The following CEP128 variants were observed in gnomAD, a reference collection of about 807,000 sequenced individuals.
The protein encoded by CEP128 is centrosomal protein 128, also known as centrosomal protein 128kDa.
Under a neutral mutation model 156.7 loss-of-function variants are expected in CEP128, and 132 were observed. That is an observed-to-expected ratio of 0.84 (90% CI 0.73 to 0.97). CEP128 has a LOEUF of 0.97. CEP128 is among the 50% of genes least tolerant of loss of function. The pLI, the probability that CEP128 is intolerant of heterozygous loss-of-function variation, is 0.00. For synonymous variants in CEP128, 469 were observed against 448.9 expected, an observed-to-expected ratio of 1.04 and a Z score of -0.57; for missense variants, 1,252 against 1,281.9, an observed-to-expected ratio of 0.98 and a Z score of 0.36.
chr14:80,729,128 T>TGTGTGTG (rs1244814152), intron 19 of CEP128, among the ~76,000 whole-genome samples: 9 of 123,778 alleles, frequency 7.3e-5, no homozygotes, highest in South Asian at 2.7e-4. Flanking sequence ...TGTGTGTGTG[T>TGTGTGTG]TTACCCAGTG....
intron 13 of CEP128, among the ~76,000 whole-genome samples, chr14:80,825,203 TGG>T (rs775985913): frequency 1.4e-4 from 22 of 152,298 alleles, no homozygotes; most frequent in Non-Finnish European, 2.6e-4. Flanking sequence ...GAGATTTCGG[TGG>T]GGACACAGCC....
At chr14:80,525,481 G>T (rs1322812976) in intron 23 of CEP128, among the ~76,000 whole-genome samples, 2 of 152,156 alleles carry the variant, frequency 1.3e-5, no homozygotes, top group African/African-American at 4.8e-5. Flanking sequence ...CTTGTGGTTT[G>T]TTCTAAAATA....
At chr14:80,879,251 A>C (rs2139304434) in intron 8 of CEP128, among the ~76,000 whole-genome samples, 1 of 152,338 alleles carries the variant, frequency 6.6e-6, no homozygotes, top group East Asian at 1.9e-4. Context: ...ACCACCAGAT[A>C]GGCAGAAATT....
intron 19 of CEP128, among the ~76,000 whole-genome samples, chr14:80,659,800 G>C (rs1225251511): frequency 6.6e-6 from 1 of 152,130 alleles, no homozygotes; most frequent in East Asian, 1.9e-4. Flanking sequence ...TCTAAATAAT[G>C]ATGACACTCA....
intron 4 of CEP128, among the ~76,000 whole-genome samples, chr14:80,914,089 A>G (rs928225848): frequency 6.6e-6 from 1 of 152,186 alleles, no homozygotes; most frequent in Non-Finnish European, 1.5e-5. Context: ...CATGTCTTGA[A>G]TTCTACTCTC....
intron 19 of CEP128, among the ~76,000 whole-genome samples, chr14:80,737,379 G>C (rs1566886232): frequency 6.6e-6 from 1 of 151,660 alleles, no homozygotes; most frequent in Non-Finnish European, 1.5e-5. Flanking sequence ...ACTCCAGCCT[G>C]GGCGACAGAG....
intron 19 of CEP128, among the ~76,000 whole-genome samples, chr14:80,695,016 A>G (rs1275710036): frequency 6.6e-6 from 1 of 152,046 alleles, no homozygotes; most frequent in Non-Finnish European, 1.5e-5. Flanking sequence ...TGCTTAAATT[A>G]TTAAGGTGAT....
intron 19 of CEP128, among the ~76,000 whole-genome samples, chr14:80,584,163 T>G (rs1566793651): frequency 1.8e-5 from 1 of 56,170 alleles, no homozygotes; most frequent in African/African-American, 1.0e-4. Flanking sequence ...TTTTTTTTTT[T>G]GTTTGACAGC....
At chr14:80,903,122 T>C (rs1808356023) in intron 6 of CEP128, among the ~76,000 whole-genome samples, 1 of 151,948 alleles carries the variant, frequency 6.6e-6, no homozygotes, top group Non-Finnish European at 1.5e-5. Flanking sequence ...TATAAAGCAA[T>C]TGTAATCAAA....
intron 19 of CEP128, among the ~76,000 whole-genome samples, chr14:80,677,327 T>C (rs28551658): frequency 0.11 from 17,116 of 151,842 alleles, 1,256 homozygotes; most frequent in South Asian, 0.24. Context: ...CTGGCCAACA[T>C]GGTGAAATGC....
At chr14:80,513,676 G>A (rs1236798234) in intron 23 of CEP128, among the ~76,000 whole-genome samples, 1 of 152,138 alleles carries the variant, frequency 6.6e-6, no homozygotes, top group Non-Finnish European at 1.5e-5. Context: ...GGGGTCTGGA[G>A]AGTTGTGCCC....
At chr14:80,692,177 A>G (rs1285594722) in intron 19 of CEP128, among the ~76,000 whole-genome samples, 1 of 152,208 alleles carries the variant, frequency 6.6e-6, no homozygotes, top group Non-Finnish European at 1.5e-5. Context: ...ATGGATCAGC[A>G]TATTGTTAAA....
chr14:80,525,100 AT>A (rs1888919002), intron 23 of CEP128, among the ~76,000 whole-genome samples: 2 of 152,258 alleles, frequency 1.3e-5, no homozygotes, highest in African/African-American at 4.8e-5. Flanking sequence ...GTATTGGGAA[AT>A]AATGTTTTAA....
chr14:80,508,263 C>G (rs1382852046), intron 23 of CEP128, among the ~76,000 whole-genome samples: 2 of 152,148 alleles, frequency 1.3e-5, no homozygotes, highest in Non-Finnish European at 2.9e-5. Context: ...ATATGATAGT[C>G]AAAATATGGC....
At chr14:80,836,432 A>C in intron 11 of CEP128, 95 bp from the exon 12 acceptor site, 1 of 1,360,338 alleles carries the variant, frequency 7.4e-7, no homozygotes, top group East Asian at 2.3e-5. Flanking sequence ...ATCCAGGTTA[A>C]TCTCCTTCCA....
chr14:80,956,027 A>G lies in CEP128; in HGVS notation c.-172+2151T>C, dbSNP rs538983320. 119 of 735,228 alleles carry G rather than the reference A, an allele frequency of 1.6e-4. No individual in the cohort carries two copies. The African/African-American group carries it at 1.7e-3, about 10-fold the overall frequency. 45.5% of individuals were successfully genotyped at this position (735,228 alleles called of 1,614,324 possible). On this transcript the variant is annotated intron_variant, in intron 2 of 7. Coordinates refer to the CEP128 transcript ENST00000555529. ...GTGTGCTAAAAACTTAATCGCCCAC[A>G]CTTGGGAAGGTATCATTGTTGACAT...
chr14:80,499,373 T>C (rs1195853135), intron 24 of CEP128, among the ~76,000 whole-genome samples: 1 of 152,214 alleles, frequency 6.6e-6, no homozygotes, highest in African/African-American at 2.4e-5. Flanking sequence ...TAACTTTTCT[T>C]TTTATAGCAA....
intron 19 of CEP128, among the ~76,000 whole-genome samples, chr14:80,594,005 T>C (rs544536874): frequency 3.3e-5 from 5 of 152,214 alleles, no homozygotes; most frequent in Admixed American, 2.0e-4. Flanking sequence ...ATATAACTCA[T>C]ATAGCCAAGA....
chr14:80,665,153 A>G (rs1566842970), intron 19 of CEP128, among the ~76,000 whole-genome samples: 1 of 152,214 alleles, frequency 6.6e-6, no homozygotes, highest in Non-Finnish European at 1.5e-5. Context: ...CATATAGAAT[A>G]CACCTACATT....
Sources: gnomAD v4.1 joint callset for allele counts (sites outside exome capture counted in the v4.1 genomes callset) on GRCh38, gnomAD v4.1.1 for gene constraint, MANE v1.5 for transcripts, NCBI Gene and HGNC (gene_info 2026-07-23, HGNC 2026-07-21) for gene names.